Variants in GALNTL5 observed in about 807,000 individuals in gnomAD.
GALNTL5 encodes the protein polypeptide N-acetylgalactosaminyltransferase like 5.
Under a neutral mutation model 51.0 loss-of-function variants are expected in GALNTL5, and 44 were observed. The ratio of observed to expected loss-of-function variants is 0.86; its 90% CI spans 0.68 to 1.11. GALNTL5 has a LOEUF of 1.11. Among genes scored for constraint, GALNTL5 ranks in the 50% least tolerant of loss-of-function variants. GALNTL5 has a pLI of 0.00. For missense variants in GALNTL5, 528 were observed against 531.8 expected (o/e 0.99, Z 0.07); for synonymous variants, 192 against 182.8 (o/e 1.05, Z -0.41).
At chr7:151,961,815 A>G (rs2080995409) in intron 1 of GALNTL5, among the ~76,000 whole-genome samples, 1 of 152,154 alleles carries the variant, frequency 6.6e-6, no homozygotes, top group Admixed American at 6.5e-5. Context: ...TTGCATTTCT[A>G]ATCTGTTTAG....
intron 3 of GALNTL5, among the ~76,000 whole-genome samples, chr7:151,980,567 T>C (rs917566480): frequency 6.6e-6 from 1 of 151,836 alleles, no homozygotes; most frequent in Non-Finnish European, 1.5e-5. Flanking sequence ...TTCTCTGTCT[T>C]CATCTTGTCT....
At chr7:151,970,156 C>A (rs551107412) in intron 2 of GALNTL5, among the ~76,000 whole-genome samples, 11 of 45,498 alleles carry the variant, frequency 2.4e-4, no homozygotes, top group Admixed American at 8.7e-4. Context: ...GTTGGGGGGG[C>A]CCCCACCAAT....
chr7:152,006,783 G>T (rs550904113), intron 6 of GALNTL5, among the ~76,000 whole-genome samples: 9 of 150,632 alleles, frequency 6.0e-5, no homozygotes, highest in East Asian at 3.9e-4. Flanking sequence ...TCTTTTTTTT[G>T]GGGGGGGCGG....
intron 5 of GALNTL5, 131 bp downstream of exon 5, chr7:151,987,412 C>T: frequency 4.0e-6 from 3 of 741,490 alleles, no homozygotes; most frequent in Middle Eastern, 3.6e-4. Flanking sequence ...TCTATTCCAG[C>T]CATATGAGCC....
intron 2 of GALNTL5, among the ~76,000 whole-genome samples, chr7:151,970,053 A>G (rs1024034102): frequency 3.4e-5 from 5 of 149,062 alleles, no homozygotes; most frequent in Non-Finnish European, 7.4e-5. Flanking sequence ...CTCGTGATCC[A>G]CCCACCTCAG....
At chr7:152,014,513 C>A in intron 7 of GALNTL5, 131 bp from the exon 8 acceptor site, 1 of 773,426 alleles carries the variant, frequency 1.3e-6, no homozygotes, top group South Asian at 2.0e-5. Context: ...GGTGATCTGA[C>A]TGCCTTGGCC....
Position 152,019,678 on chromosome 7 carries a change from A to G in GALNTL5, c.1209A>G (p.Lys403=), listed in dbSNP as rs750565592. ...TTTTTCTTCGAAAGCCTGGTCTGAA[A>G]TATGTCACCTACGGAAATATTCGCG... ...EQFFLRKPGL[K]YVTYGNIRER... Residue 403 remains lysine (K), a synonymous_variant, in exon 9 of 9, where the codon AAA becomes AAG. Coordinates refer to ENST00000392800, the MANE Select transcript of GALNTL5 (RefSeq NM_145292.4). 3.8e-5 allele frequency: 61 copies of G among 1,613,132 alleles called. 1 individual carries two copies. Among genetic ancestry groups the G allele is most frequent in the Non-Finnish European group, 5.1e-5 (60 of 1,179,510 alleles).
intron 7 of GALNTL5, among the ~76,000 whole-genome samples, chr7:152,010,145 G>T (rs1455550064): frequency 2.0e-5 from 3 of 151,026 alleles, no homozygotes; most frequent in Non-Finnish European, 2.9e-5. Context: ...ACGGAGTCTT[G>T]CTCTGTCGCC....
intron 2 of GALNTL5, 103 bp downstream of exon 2, chr7:151,967,596 C>A (rs1027984423): frequency 2.2e-6 from 2 of 915,732 alleles, no homozygotes; most frequent in Non-Finnish European, 1.6e-6. Flanking sequence ...AAGCAATTTA[C>A]TTTTTAAGAT....
chr7:151,960,792 A>C (rs2080982499), intron 1 of GALNTL5: 1 of 152,094 alleles, frequency 6.6e-6, no homozygotes, highest in Admixed American at 6.5e-5. Context: ...TTCTCATGGC[A>C]GCTGGGAGAA....
chr7:151,978,020 T>G (rs1389960806), intron 3 of GALNTL5, among the ~76,000 whole-genome samples: 1 of 152,170 alleles, frequency 6.6e-6, no homozygotes, highest in Non-Finnish European at 1.5e-5. Flanking sequence ...TTTTTTGTCT[T>G]CCAATTCATT....
In GALNTL5 at chr7:152,016,434, A is replaced by G. The variant is rs528974486; in HGVS notation, c.1176+1641A>G. On this transcript the variant is annotated intron_variant, in intron 8 of 8. Transcript: ENST00000392800. ...AAAAAAAAAAAATCTTATGGGCCCG[A>G]GTGTCAGTGAGCAATAGGATCTCTC... Among the ~76,000 whole-genome samples, 14 of 151,728 alleles carry G rather than the reference A, an allele frequency of 9.2e-5. No homozygotes were observed. In the South Asian group the frequency reaches 2.9e-3, roughly 32 times the overall value.
At chr7:151,987,032 A>T in intron 4 of GALNTL5, 127 bp from the exon 5 acceptor site, 1 of 807,078 alleles carries the variant, frequency 1.2e-6, no homozygotes, top group Non-Finnish European at 1.8e-6. Flanking sequence ...TGGCCCCAAA[A>T]TTCTCTTTTA....
At chr7:151,959,136 C>T (rs2080961781) in intron 1 of GALNTL5, among the ~76,000 whole-genome samples, 1 of 152,156 alleles carries the variant, frequency 6.6e-6, no homozygotes, top group South Asian at 2.1e-4. Flanking sequence ...GGACCTGCCC[C>T]TCTCTGCCTA....
chr7:151,965,665 G>C (rs1586805084), intron 1 of GALNTL5, among the ~76,000 whole-genome samples: 1 of 152,242 alleles, frequency 6.6e-6, no homozygotes, highest in African/African-American at 2.4e-5. Flanking sequence ...AATTGCTTGA[G>C]CCCAGGAGTT....
chr7:151,983,210 C>G (rs1262666816), intron 4 of GALNTL5, 58 bp downstream of exon 4: 1 of 1,453,648 alleles, frequency 6.9e-7, no homozygotes, highest in Non-Finnish European at 9.6e-7. Flanking sequence ...TGAGATTTCC[C>G]TCTGTCACCC....
chr7:151,989,955 C>CTA (rs2081406702), intron 5 of GALNTL5, among the ~76,000 whole-genome samples: 1 of 152,142 alleles, frequency 6.6e-6, no homozygotes, highest in Non-Finnish European at 1.5e-5. Flanking sequence ...AACAGAAATT[C>CTA]TATATTATGA....
intron 3 of GALNTL5, among the ~76,000 whole-genome samples, chr7:151,973,293 A>G (rs1180261747): frequency 2.7e-5 from 4 of 148,564 alleles, no homozygotes; most frequent in Non-Finnish European, 5.9e-5. Flanking sequence ...CATCTCTACT[A>G]AAAATACAAA....
rs1353953829 is a variant in GALNTL5, at chr7:152,007,810, T to G, written c.909-17T>G. 1 of 1,313,734 alleles carries G rather than the reference T, an allele frequency of 7.6e-7. No homozygotes were observed. The highest frequency in any genetic ancestry group is 1.5e-5 in the African/African-American group (1 of 68,900). 81.4% of individuals were successfully genotyped at this position (1,313,734 alleles called of 1,614,324 possible). A position where few individuals can be genotyped will look rare whatever the true frequency, so the allele number is the denominator to read the frequency against. On this transcript the variant is annotated splice_polypyrimidine_tract_variant and intron_variant, in intron 6 of 8. Transcript: ENST00000392800. ...TTTCTCTGTGAAATTAATTTCATAT[T>G]TATGTCCCCTTTCTAGGTCACCTGC...
Sources: gnomAD v4.1 joint callset for allele counts (sites outside exome capture counted in the v4.1 genomes callset) on GRCh38, gnomAD v4.1.1 for gene constraint, MANE v1.5 for transcripts, NCBI Gene and HGNC (gene_info 2026-07-23, HGNC 2026-07-21) for gene names.